Variants in CLPB observed in about 807,000 individuals in gnomAD.
CLPB encodes ClpB family mitochondrial disaggregase, also known as mitochondrial disaggregase.
Under a neutral mutation model 78.4 loss-of-function variants are expected in CLPB, and 40 were observed. The ratio of observed to expected loss-of-function variants is 0.51; its 90% CI spans 0.40 to 0.66. CLPB has a LOEUF of 0.66. CLPB is among the 30% of genes least tolerant of loss of function. The pLI is 0.00. For missense variants in CLPB, 780 were observed against 886.9 expected (o/e 0.88, Z 1.53); for synonymous variants, 333 against 348.0 (o/e 0.96, Z 0.48).
chr11:72,406,423 G>A (rs1855711618), intron 2 of CLPB, among the ~76,000 whole-genome samples: 1 of 152,160 alleles, frequency 6.6e-6, no homozygotes, highest in Non-Finnish European at 1.5e-5. Flanking sequence ...AAAGGGCATT[G>A]GAGTAAGTCA....
Position 72,358,884 on chromosome 11 carries a change from A to T in CLPB, c.771T>A (p.Asp257Glu). Reference protein sequence around the residue: ...DDYRTVKELLDGGANPLQRNE... With the variant: ...DDYRTVKELLEGGANPLQRNE... ...CTCCTCCACCTCTGCTCTCACCTCCATCAAGCAGCTCCTTGACAGTGCGGT... is the reference window on the plus strand; with the variant it reads ...CTCCTCCACCTCTGCTCTCACCTCCTTCAAGCAGCTCCTTGACAGTGCGGT... The change falls in exon 5 of 16, where the codon GAT (aspartate) becomes GAA (glutamate). Residue 257 changes from aspartate (D) to glutamate (E), a missense_variant. This residue lies in a region of CLPB where 417 missense variants were observed against 414.7 expected (regional missense o/e 1.01). Transcript: ENST00000538039. 7.1e-7 allele frequency: 1 copy of T among 1,415,222 alleles called. No homozygotes were observed. The highest frequency in any genetic ancestry group is 9.5e-7 in the Non-Finnish European group (1 of 1,056,670). 87.7% of individuals were successfully genotyped at this position (1,415,222 alleles called of 1,614,324 possible).
chr11:72,377,728 A>AAAAACTAAGG (rs1262897625), intron 4 of CLPB, among the ~76,000 whole-genome samples: 2 of 152,200 alleles, frequency 1.3e-5, no homozygotes, highest in Admixed American at 1.3e-4. Flanking sequence ...AAAAACTAAG[A>AAAAACTAAGG]AAAAGAAATT....
intron 7 of CLPB, among the ~76,000 whole-genome samples, chr11:72,311,733 C>T (rs1327524706): frequency 3.3e-5 from 5 of 152,230 alleles, no homozygotes; most frequent in African/African-American, 1.2e-4. Flanking sequence ...TGTCCCCTAA[C>T]CCTGTCTTGG....
chr11:72,311,051 CCT>C (rs1162967434), intron 7 of CLPB: 1 of 152,128 alleles, frequency 6.6e-6, no homozygotes, highest in Non-Finnish European at 1.5e-5. Flanking sequence ...ATGTGGGTCC[CCT>C]GTGAAACAGG....
chr11:72,384,555 CA>C, intron 3 of CLPB, among the ~76,000 whole-genome samples: 1 of 152,182 alleles, frequency 6.6e-6, no homozygotes, highest in Non-Finnish European at 1.5e-5. Context: ...CAGAAAACAA[CA>C]AAACGTCAGA....
rs138174202 is a variant in CLPB, at chr11:72,335,219, C to CAA, written c.776-5417_776-5416dup. ...CACCCAGGGCAAGGTAAAGCAGTGG[C>CAA]AATGGTGTTGGTGGGAGTGAAGGCC... On this transcript the variant is annotated intron_variant, in intron 5 of 15. Coordinates refer to ENST00000538039, the MANE Select transcript of CLPB (RefSeq NM_001258392.3). Among the ~76,000 whole-genome samples the CAA allele has an allele frequency of 3.6e-3, 543 of 152,176 alleles. 11 individuals are homozygous for CAA. The East Asian group carries it at 0.057, about 16-fold the overall frequency.
chr11:72,308,432 C>A, intron 8 of CLPB, 95 bp downstream of exon 8: 2 of 1,052,848 alleles, frequency 1.9e-6, no homozygotes, highest in Non-Finnish European at 3.0e-6. Flanking sequence ...AGAGCTGGAC[C>A]TGCTGACCCT....
Position 72,329,811 on chromosome 11 carries a change from AGAG to A in CLPB, c.776-10_776-8del, listed in dbSNP as rs572621494. 331 of 1,609,022 alleles carry A rather than the reference AGAG, an allele frequency of 2.1e-4. 2 individuals carry two copies. Among genetic ancestry groups the A allele is most frequent in the Non-Finnish European group, 1.3e-5 (15 of 1,175,728 alleles). On this transcript the variant is annotated splice_region_variant and splice_polypyrimidine_tract_variant and intron_variant, in intron 5 of 15. Transcript: ENST00000538039. ...CTCTGCAGGGGGTTGGCTCCTGGCAAGAGAAGAAGGATAAACAGAGGCTCTATG... is the reference window on the plus strand; with the variant it reads ...CTCTGCAGGGGGTTGGCTCCTGGCAAAAGAAGGATAAACAGAGGCTCTATG...
chr11:72,372,812 C>A lies in CLPB; in HGVS notation c.646+7469G>T, dbSNP rs986683061. 3.6e-5 allele frequency: 34 copies of A among 951,704 alleles called. No homozygotes were observed. The African/African-American group carries it at 5.3e-4, about 15-fold the overall frequency. 59.0% of individuals were successfully genotyped at this position (951,704 alleles called of 1,614,324 possible). A position where few individuals can be genotyped will look rare whatever the true frequency, so the allele number is the denominator to read the frequency against. On this transcript the variant is annotated intron_variant, in intron 4 of 15. Transcript: ENST00000538039. ...TGCTATGCTTGGGTTAGGCTGGGCA[C>A]ACAGTGGGTGCTGGGTAGTTAACTT...
chr11:72,418,284 G>A (rs576419096), intron 2 of CLPB, among the ~76,000 whole-genome samples: 8 of 152,348 alleles, frequency 5.3e-5, no homozygotes, highest in African/African-American at 1.4e-4. Flanking sequence ...AGAAGGAGGT[G>A]CCATACACCT....
intron 9 of CLPB, among the ~76,000 whole-genome samples, chr11:72,304,498 C>T (rs1012380249): frequency 6.6e-6 from 1 of 152,178 alleles, no homozygotes; most frequent in Non-Finnish European, 1.5e-5. Context: ...CACCACCCTA[C>T]CTTATGATGA....
chr11:72,397,721 CT>C (rs748330709), intron 3 of CLPB, among the ~76,000 whole-genome samples: 37 of 152,096 alleles, frequency 2.4e-4, no homozygotes, highest in Non-Finnish European at 4.6e-4. Context: ...ATTTGTAAGA[CT>C]TCTTTATATG....
chr11:72,350,022 G>C (rs1478796623), intron 5 of CLPB, among the ~76,000 whole-genome samples: 1 of 152,260 alleles, frequency 6.6e-6, no homozygotes, highest in Non-Finnish European at 1.5e-5. Context: ...ATGGCAAGTG[G>C]CTCTGGAGAG....
intron 4 of CLPB, among the ~76,000 whole-genome samples, chr11:72,365,727 A>G (rs1229995933): frequency 3.9e-5 from 6 of 152,208 alleles, no homozygotes; most frequent in African/African-American, 1.4e-4. Flanking sequence ...CCAATGGAAC[A>G]GAATAGAGAA....
chr11:72,434,075 T>C lies in CLPB; in HGVS notation c.400A>G (p.Lys134Glu). 1 of 1,609,976 alleles carries C rather than the reference T, an allele frequency of 6.2e-7. No homozygotes were observed. ...VHCYSKSPSN[K>E]DAALLEAARA... ...CAAACCCAGATCTCATAATCACCCT[T>C]GTTGGACGGACTCTTGCTGTAGCAA... The change falls in exon 1 of 16, where the codon AAG becomes GAG. Residue 134 changes from lysine (K) to glutamate (E), a missense_variant. Physicochemically the swap from Lys to Glu is moderately conservative, Grantham distance 56 (BLOSUM62 1). Transcript: ENST00000538039.
At chr11:72,325,412 TCC>T (rs1049832913) in intron 6 of CLPB, among the ~76,000 whole-genome samples, 5 of 151,884 alleles carry the variant, frequency 3.3e-5, no homozygotes, top group African/African-American at 1.2e-4. Flanking sequence ...TGCCTGCCTC[TCC>T]CCCAGCCAGA....
In CLPB at chr11:72,295,917, C is replaced by T. The variant is rs77746673; in HGVS notation, c.1330-269G>A. 6.8e-3 allele frequency among the ~76,000 whole-genome samples: 1,042 copies of T among 152,336 alleles called. 14 individuals are homozygous for T. The highest frequency in any genetic ancestry group is 0.057 in the East Asian group (297 of 5,176). On this transcript the variant is annotated intron_variant, in intron 11 of 15. Transcript: ENST00000538039. The stretch of plus-strand genomic sequence containing the variant: ...GCTCTCTGGCATCTCTTGGGGCACC[C>T]AACTATCCCTGGCATGCAGAAGTCA...
intron 4 of CLPB, among the ~76,000 whole-genome samples, chr11:72,376,557 T>A (rs1854705970): frequency 6.7e-6 from 1 of 148,416 alleles, no homozygotes; most frequent in Admixed American, 6.6e-5. Context: ...AGTCTAGAAT[T>A]ATTTAAAAAA....
chr11:72,374,968 A>G (rs1407102521), intron 4 of CLPB, among the ~76,000 whole-genome samples: 1 of 152,146 alleles, frequency 6.6e-6, no homozygotes. Flanking sequence ...CCAGACCCAC[A>G]TATCTAACTA....
Sources: gnomAD v4.1 joint callset for allele counts (sites outside exome capture counted in the v4.1 genomes callset) on GRCh38, gnomAD v4.1.1 for gene constraint, gnomAD v4.1.1 regional missense constraint, MANE v1.5 for transcripts, NCBI Gene and HGNC (gene_info 2026-07-23, HGNC 2026-07-21) for gene names.